Variants in LGI2 observed in about 807,000 individuals in gnomAD.
The protein encoded by LGI2 is leucine rich repeat LGI family member 2.
In LGI2, 30 loss-of-function variants were observed where a neutral mutation model predicts 52.0. The ratio of observed to expected loss-of-function variants is 0.58; its 90% confidence interval spans 0.43 to 0.78. The LOEUF is 0.78. Among genes scored for constraint, LGI2 ranks in the 30% least tolerant of loss-of-function variants. The pLI, the probability that LGI2 is intolerant of heterozygous loss-of-function variation, is 0.00. For synonymous variants in LGI2, 270 were observed against 271.8 expected, an observed-to-expected ratio of 0.99 and a Z score of 0.06; for missense variants, 573 against 692.5, an observed-to-expected ratio of 0.83 and a Z score of 1.94.
Position 25,026,861 on chromosome 4 carries a change from A to C in LGI2, c.341+7T>G. 7 of 1,606,960 alleles carry C rather than the reference A, an allele frequency of 4.4e-6. No homozygotes were observed. The highest frequency in any genetic ancestry group is 5.1e-6 in the Non-Finnish European group (6 of 1,173,432). On this transcript the variant is annotated splice_region_variant and intron_variant, in intron 3 of 7. Coordinates refer to ENST00000382114, the MANE Select transcript of LGI2 (RefSeq NM_018176.4). ...TGTTCAGCAAATAGACAAAGCACAA[A>C]ACTTACAGGTATTCAAGATGAAAAA...
intron 7 of LGI2, among the ~76,000 whole-genome samples, chr4:25,010,708 C>T (rs1725554057): frequency 6.6e-6 from 1 of 152,206 alleles, no homozygotes; most frequent in Admixed American, 6.5e-5. Context: ...ACTCCAAGAG[C>T]TGTTATGAGC....
At chr4:24,992,485 G>A in the LGI2 span, among the ~76,000 whole-genome samples, 6 of 152,008 alleles carry the variant, frequency 3.9e-5, no homozygotes, top group Middle Eastern at 3.4e-3. Context: ...GGGCTGAGGC[G>A]GGTAGATTGC....
At chr4:25,009,085 C>T (rs139165976) in intron 7 of LGI2, among the ~76,000 whole-genome samples, 1 of 152,314 alleles carries the variant, frequency 6.6e-6, no homozygotes, top group African/African-American at 2.4e-5. Flanking sequence ...CACAATCCAG[C>T]CTCTTAGCCA....
intron 3 of LGI2, 37 bp from the exon 4 acceptor site, chr4:25,024,928 T>C: frequency 2.8e-6 from 4 of 1,406,030 alleles, no homozygotes; most frequent in Non-Finnish European, 3.9e-6. Flanking sequence ...ATGAATTTTC[T>C]CTCCTTAGTA....
intron 2 of LGI2, 97 bp downstream of exon 2, chr4:25,028,410 T>G: frequency 9.3e-7 from 1 of 1,072,226 alleles, no homozygotes; most frequent in East Asian, 2.5e-5. Context: ...GGAGCTGGGG[T>G]ACTTTAGGAA....
rs575688480 is a variant in LGI2 at position 25,008,935 on chromosome 4, C to T, written c.820+3400G>A. 1.6e-4 allele frequency among the ~76,000 whole-genome samples: 25 copies of T among 152,346 alleles called. No homozygotes were observed. In the South Asian group the frequency reaches 5.2e-3, roughly 32 times the overall value. The stretch of plus-strand genomic sequence containing the variant: ...TCGGATCGCACTGACTTCCTCCCCA[C>T]CAGCTCTGTGGCCTCCGTTTGGTCC... On this transcript the variant is annotated intron_variant, in intron 7 of 7. Transcript: ENST00000382114.
chr4:25,006,222 T>A (rs1725388801), intron 7 of LGI2, among the ~76,000 whole-genome samples: 1 of 151,984 alleles, frequency 6.6e-6, no homozygotes, highest in Admixed American at 6.6e-5. Context: ...GACTCTCCCC[T>A]CTGGCTCACC....
At chr4:25,024,944 A>T (rs1358313718) in intron 3 of LGI2, 53 bp from the exon 4 acceptor site, 3 of 1,179,158 alleles carry the variant, frequency 2.5e-6, no homozygotes, top group Non-Finnish European at 3.7e-6. Flanking sequence ...TAGTATCCCA[A>T]AAAAACTATG....
chr4:24,997,748 CCT>C (rs1725125078), downstream of LGI2, among the ~76,000 whole-genome samples: 1 of 152,182 alleles, frequency 6.6e-6, no homozygotes, highest in African/African-American at 2.4e-5. Flanking sequence ...TGTATAATCT[CCT>C]CTCTTTGAGG....
At position 25,003,705 on chromosome 4, in the gene LGI2, G is replaced by C; in HGVS notation, c.1384C>G (p.Arg462Gly). Reference sequence around the variant, plus strand: ...AAGGGCTGCAGGGTCATGGCCCCCCGGGATGGAAGAGCTTGGATCTCCACA... The same window carrying C: ...AAGGGCTGCAGGGTCATGGCCCCCCCGGATGGAAGAGCTTGGATCTCCACA... ...QFVEIQALPS[R>G]GAMTLQPFSF... Residue 462 changes from arginine to glycine, a missense_variant, in exon 8 of 8, where the codon CGG becomes GGG. Physicochemically the swap from Arg to Gly is moderately radical, Grantham distance 125. Transcript: ENST00000382114. The C allele has an allele frequency of 6.2e-7, 1 of 1,614,160 alleles. No individual in the cohort carries two copies. The highest frequency in any genetic ancestry group is 8.5e-7 in the Non-Finnish European group (1 of 1,180,024).
chr4:25,029,755 G>T (rs1726263143), intron 1 of LGI2, among the ~76,000 whole-genome samples: 1 of 152,198 alleles, frequency 6.6e-6, no homozygotes, highest in African/African-American at 2.4e-5. Flanking sequence ...ATGGAGAAAG[G>T]GGGCAAGAAG....
chr4:25,009,515 G>T (rs1725506329), intron 7 of LGI2, among the ~76,000 whole-genome samples: 1 of 152,050 alleles, frequency 6.6e-6, no homozygotes, highest in African/African-American at 2.4e-5. Flanking sequence ...GCACATTTCT[G>T]TCTGATGTGT....
At chr4:25,007,722 A>G (rs896491866) in intron 7 of LGI2, among the ~76,000 whole-genome samples, 3 of 152,190 alleles carry the variant, frequency 2.0e-5, no homozygotes, top group African/African-American at 7.2e-5. Context: ...TGAGACGTAG[A>G]GAGAACAAGG....
At chr4:25,018,222 T>C in intron 5 of LGI2, 64 bp from the exon 6 acceptor site, 1 of 1,223,672 alleles carries the variant, frequency 8.2e-7, no homozygotes, top group Non-Finnish European at 1.1e-6. Flanking sequence ...CATGTTTTGG[T>C]AGTAACACGA....
intron 4 of LGI2, 50 bp downstream of exon 4, chr4:25,024,770 A>G (rs535267576): frequency 1.1e-5 from 14 of 1,276,308 alleles, no homozygotes; most frequent in Non-Finnish European, 1.5e-5. Context: ...CCAGGAAACC[A>G]ATCTTACTCC....
intron 4 of LGI2, among the ~76,000 whole-genome samples, chr4:25,021,562 G>T (rs956684163): frequency 5.3e-5 from 8 of 152,158 alleles, no homozygotes; most frequent in African/African-American, 7.2e-5. Flanking sequence ...GGAGGGAGGT[G>T]AATTGATTCA....
chr4:25,030,043 G>A (rs1278506846), intron 1 of LGI2, among the ~76,000 whole-genome samples: 4 of 152,112 alleles, frequency 2.6e-5, no homozygotes, highest in Admixed American at 2.6e-4. Context: ...GTCAGGTCGT[G>A]TTCAGCTGCT....
chr4:25,028,635 A>C (rs1389544810), intron 1 of LGI2, 57 bp from the exon 2 acceptor site: 2 of 1,464,442 alleles, frequency 1.4e-6, no homozygotes, highest in Admixed American at 3.8e-5. Flanking sequence ...AGTGCCATGC[A>C]GGGTGGGTAA....
chr4:25,007,851 T>C (rs1725443492), intron 7 of LGI2, among the ~76,000 whole-genome samples: 1 of 152,164 alleles, frequency 6.6e-6, no homozygotes, highest in African/African-American at 2.4e-5. Context: ...AGGAAGTGCA[T>C]GGATTGAGAA....
Sources: allele counts gnomAD v4.1 joint callset (sites outside exome capture counted in the v4.1 genomes callset), GRCh38; gene constraint gnomAD v4.1.1; transcripts MANE v1.5; gene names NCBI Gene and HGNC (gene_info 2026-07-23, HGNC 2026-07-21).